Variants in ITGB5 observed in about 807,000 individuals in gnomAD.
ITGB5 encodes the protein integrin beta-5.
In ITGB5, 38 loss-of-function variants were observed where a neutral mutation model predicts 84.8. That is an observed-to-expected ratio of 0.45 (90% CI 0.35 to 0.59). ITGB5 has a LOEUF of 0.59. Among genes scored for constraint, ITGB5 ranks in the 20% least tolerant of loss-of-function variants. The pLI, the probability that ITGB5 is intolerant of heterozygous loss-of-function variation, is 0.01. For synonymous variants in ITGB5, 393 were observed against 414.4 expected, an observed-to-expected ratio of 0.95 and a Z score of 0.63; for missense variants, 905 against 1,034.5, an observed-to-expected ratio of 0.87 and a Z score of 1.72.
At chr3:124,884,653 G>A (rs1579343122) in intron 1 of ITGB5, among the ~76,000 whole-genome samples, 1 of 151,898 alleles carries the variant, frequency 6.6e-6, no homozygotes, top group East Asian at 1.9e-4. Context: ...TCATGCCACT[G>A]TACACCATCC....
chr3:124,805,753 ACTT>A (rs2064392221), intron 9 of ITGB5, among the ~76,000 whole-genome samples: 2 of 150,012 alleles, frequency 1.3e-5, no homozygotes, highest in African/African-American at 5.0e-5. Flanking sequence ...CGCCTGGCGG[ACTT>A]TTTTTTTTTA....
intron 10 of ITGB5, among the ~76,000 whole-genome samples, chr3:124,775,929 C>A (rs1296307459): frequency 6.6e-5 from 10 of 152,266 alleles, no homozygotes; most frequent in Admixed American, 6.5e-4. Flanking sequence ...AGCCTCCCAA[C>A]CCTCCTGTGC....
rs750682840 is a variant in ITGB5 at position 124,764,559 on chromosome 3, T to TG, written c.2138-3dup. On this transcript the variant is annotated splice_polypyrimidine_tract_variant and splice_region_variant and intron_variant, in intron 13 of 14. Coordinates refer to ENST00000296181, the MANE Select transcript of ITGB5 (RefSeq NM_002213.5). Reference sequence around the variant, plus strand: ...TGGCGTTGGGGGTGTTTCCACACTCTGGGGGGACCAGAAGCATGGTAAGCA... The same window carrying TG: ...TGGCGTTGGGGGTGTTTCCACACTCTGGGGGGGACCAGAAGCATGGTAAGCA... The TG allele has an allele frequency of 1.2e-6, 2 of 1,602,656 alleles. No individual in the cohort carries two copies. Among genetic ancestry groups the TG allele is most frequent in the Non-Finnish European group, 1.7e-6 (2 of 1,170,728 alleles).
intron 1 of ITGB5, among the ~76,000 whole-genome samples, chr3:124,882,931 C>A (rs146929731): frequency 6.6e-6 from 1 of 152,260 alleles, no homozygotes; most frequent in South Asian, 2.1e-4. Flanking sequence ...CTGCATTCAA[C>A]GGAAGCAAGA....
chr3:124,869,081 A>G (rs993871880), intron 2 of ITGB5, among the ~76,000 whole-genome samples: 5 of 152,178 alleles, frequency 3.3e-5, no homozygotes, highest in African/African-American at 1.2e-4. Context: ...GATCTGGAGC[A>G]GGAGAATCCC....
At chr3:124,819,185 T>C (rs2064658816) in intron 7 of ITGB5, among the ~76,000 whole-genome samples, 1 of 152,230 alleles carries the variant, frequency 6.6e-6, no homozygotes, top group African/African-American at 2.4e-5. Flanking sequence ...TCTTTGGGAA[T>C]TCCTGCCCCA....
chr3:124,767,853 C>T (rs1395981015), intron 12 of ITGB5, among the ~76,000 whole-genome samples: 2 of 152,204 alleles, frequency 1.3e-5, no homozygotes, highest in Admixed American at 1.3e-4. Context: ...AGGTGGACTG[C>T]TTGACCCCAG....
At chr3:124,839,383 C>T (rs2064982031) in intron 5 of ITGB5, among the ~76,000 whole-genome samples, 1 of 152,210 alleles carries the variant, frequency 6.6e-6, no homozygotes, top group Admixed American at 6.5e-5. Context: ...AGGGATGGCA[C>T]AGGAAGGTTC....
At chr3:124,896,582 G>A (rs769934228) in intron 1 of ITGB5, among the ~76,000 whole-genome samples, 8 of 151,534 alleles carry the variant, frequency 5.3e-5, no homozygotes, top group Non-Finnish European at 7.4e-5. Context: ...GTGAAAGCTC[G>A]TCTCATGAAA....
intron 9 of ITGB5, among the ~76,000 whole-genome samples, chr3:124,800,569 G>GCTAT (rs2064300319): frequency 6.6e-6 from 1 of 150,670 alleles, no homozygotes; most frequent in African/African-American, 2.4e-5. Flanking sequence ...CAAGTGAGGT[G>GCTAT]CTATCTGTCT....
At chr3:124,821,137 G>T (rs1330877106) in intron 6 of ITGB5, among the ~76,000 whole-genome samples, 176 bp downstream of exon 6, 1 of 152,232 alleles carries the variant, frequency 6.6e-6, no homozygotes, top group African/African-American at 2.4e-5. Context: ...TCAATTAGGA[G>T]TTCCGGAAAC....
chr3:124,877,826 G>A (rs944459253), intron 1 of ITGB5, among the ~76,000 whole-genome samples: 4 of 150,046 alleles, frequency 2.7e-5, no homozygotes, highest in African/African-American at 7.4e-5. Context: ...AAGGCCTCAC[G>A]TAGGACTCTG....
chr3:124,822,742 T>A (rs931597028), intron 5 of ITGB5, among the ~76,000 whole-genome samples: 1 of 152,164 alleles, frequency 6.6e-6, no homozygotes, highest in African/African-American at 2.4e-5. Context: ...ACTGATCTCT[T>A]ACTGCATGCC....
intron 10 of ITGB5, among the ~76,000 whole-genome samples, chr3:124,794,963 A>G (rs978012966): frequency 1.3e-5 from 2 of 152,214 alleles, no homozygotes; most frequent in African/African-American, 4.8e-5. Flanking sequence ...CCCTGGACCA[A>G]GCCCTCATCA....
intron 10 of ITGB5, 27 bp downstream of exon 10, chr3:124,796,361 G>A: frequency 4.4e-6 from 7 of 1,577,854 alleles, no homozygotes; most frequent in Non-Finnish European, 6.0e-6. Flanking sequence ...CTGGCTCAGA[G>A]CTAAAGTGCT....
intron 5 of ITGB5, among the ~76,000 whole-genome samples, chr3:124,828,882 T>C (rs1000752022): frequency 3.3e-5 from 5 of 152,244 alleles, no homozygotes; most frequent in South Asian, 2.1e-4. Context: ...TCCCTTATCT[T>C]GTTTTTGTGA....
chr3:124,799,353 G>A (rs960972862), intron 9 of ITGB5, among the ~76,000 whole-genome samples: 15 of 152,178 alleles, frequency 9.9e-5, no homozygotes, highest in African/African-American at 3.6e-4. Context: ...GAGGCCAGGA[G>A]TTCGAGACCA....
At chr3:124,897,385 G>A (rs1935124825) in intron 1 of ITGB5, among the ~76,000 whole-genome samples, 1 of 152,178 alleles carries the variant, frequency 6.6e-6, no homozygotes, top group Non-Finnish European at 1.5e-5. Context: ...TGGGATGACA[G>A]GTGTGAGCCA....
chr3:124,814,893 T>C (rs537968734), intron 8 of ITGB5, among the ~76,000 whole-genome samples: 1 of 152,122 alleles, frequency 6.6e-6, no homozygotes, highest in Non-Finnish European at 1.5e-5. Flanking sequence ...TGGGAATTCG[T>C]GCCAGGTTCC....
Sources: allele counts gnomAD v4.1 joint callset (sites outside exome capture counted in the v4.1 genomes callset), GRCh38; gene constraint gnomAD v4.1.1; transcripts MANE v1.5; gene names NCBI Gene and HGNC (gene_info 2026-07-23, HGNC 2026-07-21).